Variants in IMMP2L observed in about 807,000 individuals in gnomAD.
IMMP2L encodes mitochondrial inner membrane protease subunit 2.
A neutral mutation model predicts 19.3 loss-of-function variants in IMMP2L; 18 were observed. That is an observed-to-expected ratio of 0.93 (90% CI 0.64 to 1.38). IMMP2L has a LOEUF of 1.38. Ranked by LOEUF, IMMP2L falls within the 40% of genes most tolerant of loss-of-function variation. The pLI is 0.00. For synonymous variants in IMMP2L, 76 were observed against 73.0 expected (o/e 1.04, Z -0.21); for missense variants, 233 against 218.2 (o/e 1.07, Z -0.43).
At chr7:111,133,738 A>G (rs929417504) in intron 3 of IMMP2L, among the ~76,000 whole-genome samples, 2 of 151,936 alleles carry the variant, frequency 1.3e-5, no homozygotes, top group Non-Finnish European at 2.9e-5. Context: ...GAAATATGAG[A>G]AGACGTGGGA....
intron 4 of IMMP2L, among the ~76,000 whole-genome samples, chr7:110,958,710 T>C (rs1287142133): frequency 4.6e-5 from 7 of 152,014 alleles, no homozygotes; most frequent in Non-Finnish European, 7.4e-5. Flanking sequence ...CCAAAGGTAG[T>C]AGATCAGCTG....
intron 3 of IMMP2L, among the ~76,000 whole-genome samples, chr7:111,384,918 T>C (rs1831582121): frequency 6.6e-6 from 1 of 152,182 alleles, no homozygotes; most frequent in African/African-American, 2.4e-5. Flanking sequence ...ATAAAGTATA[T>C]TACAGCACAC....
At chr7:111,484,444 A>G (rs951129115) in intron 3 of IMMP2L, among the ~76,000 whole-genome samples, 3 of 152,176 alleles carry the variant, frequency 2.0e-5, no homozygotes, top group African/African-American at 7.2e-5. Context: ...GTTTTCAAAG[A>G]TTACTTATTT....
intron 3 of IMMP2L, among the ~76,000 whole-genome samples, chr7:111,430,397 A>C (rs1836509106): frequency 6.6e-6 from 1 of 151,720 alleles, no homozygotes; most frequent in Non-Finnish European, 1.5e-5. Context: ...CATTTTTAGG[A>C]AAAGCTAAAA....
In IMMP2L at chr7:111,289,434, C is replaced by T. The variant is rs552693861; in HGVS notation, c.239+197804G>A. On this transcript the variant is annotated intron_variant, in intron 3 of 5. Coordinates refer to ENST00000405709, the MANE Select transcript of IMMP2L (RefSeq NM_032549.4). ...AAAGTATAATTAAAAAAAAAAAAAG[C>T]CTGGAAAGACAAGTTGGTGGCAAAT... 1.3e-5 allele frequency among the ~76,000 whole-genome samples: 2 copies of T among 150,254 alleles called. 1 individual carries two copies. Among genetic ancestry groups the T allele is most frequent in the East Asian group, 3.9e-4 (2 of 5,132 alleles).
chr7:110,779,858 A>G (rs1799620929), intron 5 of IMMP2L, among the ~76,000 whole-genome samples: 1 of 151,842 alleles, frequency 6.6e-6, no homozygotes, highest in Non-Finnish European at 1.5e-5. Flanking sequence ...AAAATACAGG[A>G]GTAAAGTTCC....
At chr7:110,769,098 T>C (rs75903867) in intron 5 of IMMP2L, among the ~76,000 whole-genome samples, 3,325 of 152,282 alleles carry the variant, frequency 0.022, 57 homozygotes, top group Middle Eastern at 0.044. Context: ...ATTCCTCTGG[T>C]CCAGTCTTTT....
At chr7:111,093,284 TA>T (rs1179580207) in intron 3 of IMMP2L, among the ~76,000 whole-genome samples, 1 of 151,950 alleles carries the variant, frequency 6.6e-6, no homozygotes, top group East Asian at 1.9e-4. Flanking sequence ...ATGCAATCTA[TA>T]AAAAAAACCA....
rs546439377 is a variant in IMMP2L, at chr7:111,263,406, C to T, written c.239+223832G>A. On this transcript the variant is annotated intron_variant, in intron 3 of 5. Coordinates refer to ENST00000405709, the MANE Select transcript of IMMP2L (RefSeq NM_032549.4). ...CAAGGATAACCTCAAGTTTTATGCC[C>T]TGAGCATGTGCAAGGATAAAACAGC... is the stretch of plus-strand genomic sequence containing the variant. Among the ~76,000 whole-genome samples the T allele has an allele frequency of 1.3e-4, 20 of 152,160 alleles. No individual in the cohort carries two copies. In the East Asian group the frequency reaches 3.9e-3, roughly 29 times the overall value.
chr7:111,118,879 T>C (rs544097115), intron 3 of IMMP2L, among the ~76,000 whole-genome samples: 2 of 152,296 alleles, frequency 1.3e-5, no homozygotes, highest in African/African-American at 4.8e-5. Flanking sequence ...ATAAACACTC[T>C]CATTTGCAAA....
intron 3 of IMMP2L, among the ~76,000 whole-genome samples, chr7:111,422,282 G>A (rs1014132853): frequency 2.0e-5 from 3 of 151,834 alleles, no homozygotes. Context: ...GCTTGATGGG[G>A]ATGGCATTGA....
chr7:111,521,771 T>C (rs1471445165), intron 1 of IMMP2L, among the ~76,000 whole-genome samples: 1 of 152,126 alleles, frequency 6.6e-6, no homozygotes, highest in African/African-American at 2.4e-5. Flanking sequence ...ATGATGAAGT[T>C]ACTCCTTATA....
chr7:111,034,844 A>G (rs1173965258), intron 3 of IMMP2L, among the ~76,000 whole-genome samples: 1 of 152,128 alleles, frequency 6.6e-6, no homozygotes, highest in Non-Finnish European at 1.5e-5. Flanking sequence ...TAACAGCACC[A>G]GAAACTCGTT....
At chr7:111,227,345 ACTT>A (rs1813216420) in intron 3 of IMMP2L, among the ~76,000 whole-genome samples, 1 of 152,116 alleles carries the variant, frequency 6.6e-6, no homozygotes, top group South Asian at 2.1e-4. Context: ...AGATTCCCAA[ACTT>A]CTTCTTCCAA....
chr7:111,055,175 G>A (rs1305348136), intron 3 of IMMP2L, among the ~76,000 whole-genome samples: 4 of 151,794 alleles, frequency 2.6e-5, no homozygotes, highest in Non-Finnish European at 4.4e-5. Flanking sequence ...CTCAGCCTCC[G>A]AGTAGCTGGA....
chr7:111,074,363 C>T (rs1314844321), intron 3 of IMMP2L, among the ~76,000 whole-genome samples: 5 of 152,198 alleles, frequency 3.3e-5, no homozygotes, highest in Non-Finnish European at 5.9e-5. Context: ...TTTTCATAAA[C>T]ACCACACTTG....
rs529771155 is a variant in IMMP2L, at chr7:110,728,902, CTGTTT to C, written c.409-65186_409-65182del. ...AAGTGGGATAAACAGTTGTATTAGTCTGTTTTGTTTTGTTTTGTTTTGTTTTCACC... is the reference window on the plus strand; with the variant it reads ...AAGTGGGATAAACAGTTGTATTAGTCTGTTTTGTTTTGTTTTGTTTTCACC... On this transcript the variant is annotated intron_variant, in intron 5 of 5. Transcript: ENST00000405709. The surrounding 1 kb of genome is among the most constrained non-coding windows in gnomAD (Gnocchi z 4.6). Among the ~76,000 whole-genome samples, 42 of 152,062 alleles carry C rather than the reference CTGTTT, an allele frequency of 2.8e-4. No individual in the cohort carries two copies. The highest frequency in any genetic ancestry group is 3.4e-3 in the Middle Eastern group (1 of 294).
intron 4 of IMMP2L, among the ~76,000 whole-genome samples, chr7:110,912,068 A>G (rs1274346365): frequency 6.6e-6 from 1 of 152,098 alleles, no homozygotes. Context: ...GCTTCTTTCC[A>G]GTATCCAGTT....
intron 3 of IMMP2L, among the ~76,000 whole-genome samples, chr7:111,322,494 G>A (rs1824835030): frequency 6.6e-6 from 1 of 151,520 alleles, no homozygotes; most frequent in South Asian, 2.1e-4. Flanking sequence ...AACAGCATAA[G>A]AATTCTCCAT....
Sources: gnomAD v4.1 joint callset for allele counts (sites outside exome capture counted in the v4.1 genomes callset) on GRCh38, gnomAD v4.1.1 for gene constraint, Gnocchi (gnomAD v3.1) non-coding constraint, MANE v1.5 for transcripts, NCBI Gene and HGNC (gene_info 2026-07-23, HGNC 2026-07-21) for gene names.